The following NPTN variants were observed in gnomAD, a reference collection of about 807,000 sequenced individuals.
NPTN encodes neuroplastin.
A neutral mutation model predicts 42.7 loss-of-function variants in NPTN; 5 were observed. That is an observed-to-expected ratio of 0.12 (90% CI 0.06 to 0.25). The LOEUF (loss-of-function observed/expected upper bound fraction) is 0.25. Ranked by LOEUF, NPTN falls within the 10% of genes least tolerant of loss-of-function variation. The probability of loss-of-function intolerance (pLI) is 1.00; values close to 1 mark genes in which losing one functional copy is unlikely to be tolerated. For synonymous variants in NPTN, 180 were observed against 201.9 expected, an observed-to-expected ratio of 0.89 and a Z score of 0.92; for missense variants, 307 against 525.4, an observed-to-expected ratio of 0.58 and a Z score of 4.06.
intron 1 of NPTN, among the ~76,000 whole-genome samples, chr15:73,615,369 T>C (rs1361525380): frequency 6.6e-6 from 1 of 152,100 alleles, no homozygotes; most frequent in Non-Finnish European, 1.5e-5. Flanking sequence ...GCAAAGTATA[T>C]CATAATTTAA....
chr15:73,629,623 T>A (rs550267827), intron 1 of NPTN, among the ~76,000 whole-genome samples: 5 of 152,106 alleles, frequency 3.3e-5, no homozygotes, highest in Non-Finnish European at 7.4e-5. Context: ...TTCATTAGAT[T>A]CCTTATTTTC....
At chr15:73,609,875 C>A (rs545113864) in intron 1 of NPTN, among the ~76,000 whole-genome samples, 6 of 152,238 alleles carry the variant, frequency 3.9e-5, no homozygotes, top group East Asian at 3.9e-4. Flanking sequence ...TATCCATCAT[C>A]TCAGACATTT....
At position 73,569,322 on chromosome 15, in the gene NPTN, C is replaced by T. The variant is rs1198118021; in HGVS notation, c.1114+828G>A. 3.0e-6 allele frequency: 3 copies of T among 985,440 alleles called. No homozygotes were observed. Among genetic ancestry groups the T allele is most frequent in the Non-Finnish European group, 3.6e-6 (3 of 830,028 alleles). The allele number at this position is 985,440 out of a possible 1,614,324, so 61.0% of individuals were successfully genotyped here. Reference sequence around the variant, plus strand: ...ATCGATCACCAAAAATTTCCCAAGGCTTTTCTGACTCTAGGCATATCCAAT... The same window carrying T: ...ATCGATCACCAAAAATTTCCCAAGGTTTTTCTGACTCTAGGCATATCCAAT... On this transcript the variant is annotated intron_variant, in intron 6 of 8. Coordinates refer to ENST00000345330, the MANE Select transcript of NPTN (RefSeq NM_012428.4). This position sits in a 1 kb window ranked among gnomAD's most constrained non-coding sequence, Gnocchi z 4.1.
intron 6 of NPTN, among the ~76,000 whole-genome samples, chr15:73,565,594 T>A (rs949139063): frequency 1.3e-5 from 2 of 152,106 alleles, no homozygotes; most frequent in African/African-American, 4.8e-5. Context: ...AAAGAAGTCA[T>A]AGTAACCGAC....
At position 73,561,016 on chromosome 15, in the gene NPTN, T is replaced by C. The variant is rs1288309136; in HGVS notation, c.*47A>G. 3.3e-5 allele frequency: 5 copies of C among 152,634 alleles called. No individual in the cohort carries two copies. The highest frequency in any genetic ancestry group is 1.2e-4 in the African/African-American group (5 of 41,432). The allele number at this position is 152,634 out of a possible 1,614,324, so 9.5% of individuals were successfully genotyped here. A position where few individuals can be genotyped will look rare whatever the true frequency, so the allele number is the denominator to read the frequency against. On this transcript the variant is annotated 3_prime_UTR_variant, in exon 9 of 9. Coordinates refer to ENST00000345330, the MANE Select transcript of NPTN (RefSeq NM_012428.4). Reference sequence around the variant, plus strand: ...GGTCCAAGCAGAAAATTTTAGCAGGTCATGTTGCCACCAGTTTCAGGAACC... The same window carrying C: ...GGTCCAAGCAGAAAATTTTAGCAGGCCATGTTGCCACCAGTTTCAGGAACC...
chr15:73,566,666 C>G (rs1390249113), intron 6 of NPTN, among the ~76,000 whole-genome samples: 1 of 152,222 alleles, frequency 6.6e-6, no homozygotes, highest in Non-Finnish European at 1.5e-5. Context: ...ACAGAAGGTG[C>G]ACCCAAGCAG....
intron 2 of NPTN, 147 bp downstream of exon 2, chr15:73,596,875 C>G (rs1896858224): frequency 1.5e-6 from 1 of 671,902 alleles, no homozygotes; most frequent in South Asian, 2.1e-5. Context: ...ACACTACAAC[C>G]AGAAGGGTCA....
rs16958044 is a variant in NPTN, at chr15:73,593,303, A to G, written c.440-1166T>C. 8.9e-3 allele frequency among the ~76,000 whole-genome samples: 1,348 copies of G among 152,252 alleles called. 18 individuals are homozygous for G. The highest frequency in any genetic ancestry group is 0.031 in the African/African-American group (1,268 of 41,538). ...TCTTTTGTTAATGTGCTTTGTCTTT[A>G]TTATTTCCCCAGGCTTAGTTTTCTC... is the stretch of plus-strand genomic sequence containing the variant. On this transcript the variant is annotated intron_variant, in intron 2 of 8. Coordinates refer to ENST00000345330, the MANE Select transcript of NPTN (RefSeq NM_012428.4).
At chr15:73,599,633 G>C (rs1250370660) in intron 1 of NPTN, 1 of 118,480 alleles carries the variant, frequency 8.4e-6, no homozygotes, top group Non-Finnish European at 1.7e-5. Context: ...AAGAAAGAAA[G>C]AAAGAAAGAA....
At position 73,597,953 on chromosome 15, in the gene NPTN, C is replaced by T. The variant is rs2141411130; in HGVS notation, c.92-584G>A. Among the ~76,000 whole-genome samples, 1 of 152,310 alleles carries T rather than the reference C, an allele frequency of 6.6e-6. No homozygotes were observed. The highest frequency in any genetic ancestry group is 2.1e-4 in the South Asian group (1 of 4,822). On this transcript the variant is annotated intron_variant, in intron 1 of 8. Coordinates refer to ENST00000345330, the MANE Select transcript of NPTN (RefSeq NM_012428.4). The surrounding 1 kb of genome is among the most constrained non-coding windows in gnomAD (Gnocchi z 6.3). ...GAAAGAGTAGCAAATTTCTCTCTCACACAGGATTCTATCCTGGGTTCGATT... is the reference window on the plus strand; with the variant it reads ...GAAAGAGTAGCAAATTTCTCTCTCATACAGGATTCTATCCTGGGTTCGATT...
intron 1 of NPTN, among the ~76,000 whole-genome samples, chr15:73,629,987 TG>T (rs1898648262): frequency 6.6e-6 from 1 of 152,204 alleles, no homozygotes. Context: ...AATCTCTATG[TG>T]GGGCCTTCAA....
intron 1 of NPTN, among the ~76,000 whole-genome samples, chr15:73,614,030 A>C (rs1305189370): frequency 6.6e-6 from 1 of 152,022 alleles, no homozygotes; most frequent in Non-Finnish European, 1.5e-5. Flanking sequence ...AGTATATTTA[A>C]GCCAGGTGTG....
intron 5 of NPTN, among the ~76,000 whole-genome samples, chr15:73,572,258 G>A (rs1895444431): frequency 6.6e-6 from 1 of 152,212 alleles, no homozygotes; most frequent in African/African-American, 2.4e-5. Flanking sequence ...TTCCAAAGAA[G>A]ATGGATTAAT....
chr15:73,596,730 A>G (rs951517901), intron 2 of NPTN, among the ~76,000 whole-genome samples: 3 of 152,130 alleles, frequency 2.0e-5, no homozygotes, highest in Non-Finnish European at 4.4e-5. Context: ...CCCAACACAG[A>G]TGATTTTGGA....
Position 73,597,701 on chromosome 15 carries a change from G to C in NPTN, c.92-332C>G, listed in dbSNP as rs966936303. Among the ~76,000 whole-genome samples the C allele has an allele frequency of 5.3e-5, 8 of 152,188 alleles. No homozygotes were observed. Among genetic ancestry groups the C allele is most frequent in the Non-Finnish European group, 1.2e-4 (8 of 68,028 alleles). On this transcript the variant is annotated intron_variant, in intron 1 of 8. Transcript: ENST00000345330. The surrounding 1 kb of genome is among the most constrained non-coding windows in gnomAD (Gnocchi z 6.3). Reference sequence around the variant, plus strand: ...AGGAATGAGAAAGCCTCAGGTCTTGGGAAGAGCCTCTTTCCTTAGAACACA... The same window carrying C: ...AGGAATGAGAAAGCCTCAGGTCTTGCGAAGAGCCTCTTTCCTTAGAACACA...
chr15:73,618,347 C>A (rs1204752679), intron 1 of NPTN, among the ~76,000 whole-genome samples: 1 of 152,022 alleles, frequency 6.6e-6, no homozygotes, highest in Non-Finnish European at 1.5e-5. Flanking sequence ...GCAAAAATAC[C>A]CACTCACAAT....
In NPTN at chr15:73,582,801, C is replaced by A. The variant is rs556396049; in HGVS notation, c.706+4723G>T. Among the ~76,000 whole-genome samples the A allele has an allele frequency of 3.3e-5, 5 of 152,172 alleles. No individual in the cohort carries two copies. The East Asian group carries it at 9.7e-4, about 29-fold the overall frequency. ...GAGAAACTGACAAATTGAAATTTTC[C>A]AATAACACTAGGAAAATGGGCTTGG... On this transcript the variant is annotated intron_variant, in intron 4 of 8. Coordinates refer to ENST00000345330, the MANE Select transcript of NPTN (RefSeq NM_012428.4).
chr15:73,613,460 G>T (rs961992961), intron 1 of NPTN, among the ~76,000 whole-genome samples: 1 of 151,998 alleles, frequency 6.6e-6, no homozygotes, highest in Non-Finnish European at 1.5e-5. Flanking sequence ...TGCCTCTCTT[G>T]ATTTTAAATG....
chr15:73,570,154 A>G lies in NPTN; in HGVS notation c.1110T>C (p.Pro370=). 1.2e-6 allele frequency: 2 copies of G among 1,605,704 alleles called. No homozygotes were observed. The highest frequency in any genetic ancestry group is 2.7e-5 in the African/African-American group (2 of 74,842). ...YEKRKRPDEV[P]DDDEPAGPMK... ...ATTTTGTAGGGATGCTCTTACCGTC[A>G]GGAACCTCATCTGGCCTCTTCCTCT... The change falls in exon 6 of 9, where the codon CCT becomes CCC. Residue 370 remains proline, a synonymous_variant. Transcript: ENST00000345330. This position sits in a 1 kb window ranked among gnomAD's most constrained non-coding sequence, Gnocchi z 4.0.
Sources: allele counts gnomAD v4.1 joint callset (sites outside exome capture counted in the v4.1 genomes callset), GRCh38; gene constraint gnomAD v4.1.1; non-coding constraint Gnocchi (gnomAD v3.1); transcripts MANE v1.5; gene names NCBI Gene and HGNC (gene_info 2026-07-23, HGNC 2026-07-21).